Variants in PCDHA10 observed in about 807,000 individuals in gnomAD.
The protein encoded by PCDHA10 is protocadherin alpha-10.
In PCDHA10, 45 loss-of-function variants were observed where a neutral mutation model predicts 61.2. The ratio of observed to expected loss-of-function variants is 0.74; its 90% confidence interval spans 0.58 to 0.94. PCDHA10 has a LOEUF of 0.94. PCDHA10 is among the 40% of genes least tolerant of loss of function. The pLI is 0.00. For missense variants in PCDHA10, 1,278 were observed against 1,236.2 expected, an observed-to-expected ratio of 1.03 and a Z score of -0.51; for synonymous variants, 602 against 548.8, an observed-to-expected ratio of 1.10 and a Z score of -1.35.
At chr5:140,862,498 TG>T in intron 1 of PCDHA10, 1 of 395,232 alleles carries the variant, frequency 2.5e-6, no homozygotes, top group Non-Finnish European at 5.1e-6. Flanking sequence ...TCGCTCGGAA[TG>T]GGGACTCGCT....
In PCDHA10 at chr5:140,887,347, C is replaced by T. The variant is rs568939189; in HGVS notation, c.2388+28911C>T. Among the ~76,000 whole-genome samples the T allele has an allele frequency of 4.6e-5, 7 of 152,202 alleles. No homozygotes were observed. In the South Asian group the frequency reaches 6.2e-4, roughly 14 times the overall value. On this transcript the variant is annotated intron_variant, in intron 1 of 3. Coordinates refer to ENST00000307360, the MANE Select transcript of PCDHA10 (RefSeq NM_018901.4). ...TCCTGACCTCGTGATCCACCTGGCT[C>T]GGCCTCCCAAAGTGCTGGGATTACA...
rs146702581 is a variant in PCDHA10 at position 140,929,720 on chromosome 5, C to T, written c.2389-49229C>T. ...TATGAATATAATATGGAAGGTGAAA[C>T]ATTTACTTAAACTATTGCAATGCAT... On this transcript the variant is annotated intron_variant, in intron 1 of 3. Coordinates refer to ENST00000307360, the MANE Select transcript of PCDHA10 (RefSeq NM_018901.4). The T allele has an allele frequency of 2.8e-3, 635 of 224,158 alleles. 4 individuals are homozygous for T. The highest frequency in any genetic ancestry group is 6.2e-3 in the African/African-American group (270 of 43,802). 13.9% of individuals were successfully genotyped at this position (224,158 alleles called of 1,614,324 possible).
Position 140,857,355 on chromosome 5 carries a change from C to T in PCDHA10, c.1307C>T (p.Ala436Val). Residue 436 changes from alanine (A) to valine (V), a missense_variant, in exon 1 of 4, where the codon GCC (alanine) becomes GTC (valine). By Grantham distance (64) the Ala-to-Val change is moderately conservative (BLOSUM62 0). Coordinates refer to ENST00000307360, the MANE Select transcript of PCDHA10 (RefSeq NM_018901.4). Reference sequence around the variant, plus strand: ...GACGGGGGCTCGCCTCCGCTGTGGGCCACGGCCAGCGTGTCTGTGGAGGTG... The same window carrying T: ...GACGGGGGCTCGCCTCCGCTGTGGGTCACGGCCAGCGTGTCTGTGGAGGTG... ...ARDGGSPPLW[A>V]TASVSVEVAD... 1 of 1,598,292 alleles carries T rather than the reference C, an allele frequency of 6.3e-7. No homozygotes were observed.
intron 1 of PCDHA10, chr5:140,871,249 C>A (rs782675743): frequency 8.1e-6 from 13 of 1,613,984 alleles, no homozygotes; most frequent in South Asian, 1.1e-5. Flanking sequence ...CACGCTGCTG[C>A]TGTATACGGC....
intron 1 of PCDHA10, among the ~76,000 whole-genome samples, chr5:140,912,634 G>A (rs1435924500): frequency 6.6e-6 from 1 of 152,016 alleles, no homozygotes; most frequent in African/African-American, 2.4e-5. Context: ...GAGACTTTCA[G>A]TACTATGTTG....
At chr5:140,889,302 C>T (rs1323356979) in intron 1 of PCDHA10, among the ~76,000 whole-genome samples, 1 of 151,926 alleles carries the variant, frequency 6.6e-6, no homozygotes, top group Non-Finnish European at 1.5e-5. Flanking sequence ...TTGGAGAACT[C>T]ACTGTTGAAG....
Position 140,978,960 on chromosome 5 carries a change from C to G in PCDHA10, c.2400C>G (p.Pro800=), listed in dbSNP as rs560855761. The G allele has an allele frequency of 2.6e-5, 42 of 1,614,120 alleles. No homozygotes were observed. The highest frequency in any genetic ancestry group is 2.5e-4 in the African/African-American group (19 of 75,024). The change falls in exon 2 of 4, where the codon CCC becomes CCG. Residue 800 remains proline, a synonymous_variant. Coordinates refer to ENST00000307360, the MANE Select transcript of PCDHA10 (RefSeq NM_018901.4). ...TTGTGATTTTGCAGCCACGACAGCC[C>G]AACCCTGACTGGCGTTACTCTGCCT... ...GGDHSRKPRQ[P]NPDWRYSASL...
At chr5:140,928,701 G>A (rs782369096) in intron 1 of PCDHA10, 53 of 1,614,014 alleles carry the variant, frequency 3.3e-5, no homozygotes, top group Admixed American at 2.0e-4. Context: ...TCTCCCGGGC[G>A]TCTGACTCTA....
chr5:141,006,384 T>C, intron 3 of PCDHA10, among the ~76,000 whole-genome samples: 2 of 152,126 alleles, frequency 1.3e-5, no homozygotes, highest in South Asian at 4.2e-4. Flanking sequence ...GCTAAGTTTT[T>C]TCTATTTTTT....
At chr5:140,871,352 C>CT in intron 1 of PCDHA10, 1 of 1,614,210 alleles carries the variant, frequency 6.2e-7, no homozygotes, top group South Asian at 1.1e-5. Flanking sequence ...TGGTCATACT[C>CT]GCAGCAGAGG....
chr5:140,995,245 A>G (rs2097671494), intron 3 of PCDHA10, among the ~76,000 whole-genome samples: 1 of 152,194 alleles, frequency 6.6e-6, no homozygotes, highest in African/African-American at 2.4e-5. Flanking sequence ...ATTAAGTAAA[A>G]TAAGGGTACT....
chr5:140,874,465 T>C (rs1554167224), intron 1 of PCDHA10, among the ~76,000 whole-genome samples: 1 of 152,184 alleles, frequency 6.6e-6, no homozygotes. Flanking sequence ...TAGGGGAAGA[T>C]TTAGAGAAAA....
Position 140,857,049 on chromosome 5 carries a change from C to T in PCDHA10, c.1001C>T (p.Thr334Met), listed in dbSNP as rs1390810771. Residue 334 changes from threonine (T) to methionine (M), a missense_variant, in exon 1 of 4, where the codon ACG (threonine) becomes ATG (methionine). Coordinates refer to ENST00000307360, the MANE Select transcript of PCDHA10 (RefSeq NM_018901.4). ...AACCCACCTATGGTTGGTCACTGCA[C>T]GGTCCTAGTGGAACTACTGGATGAA... ...KGNPPMVGHC[T>M]VLVELLDEND... 3.1e-6 allele frequency: 5 copies of T among 1,595,184 alleles called. No homozygotes were observed. In the African/African-American group the frequency reaches 5.4e-5, roughly 17 times the overall value.
chr5:140,906,824 G>A (rs2072970432), intron 1 of PCDHA10, among the ~76,000 whole-genome samples: 1 of 152,216 alleles, frequency 6.6e-6, no homozygotes, highest in African/African-American at 2.4e-5. Flanking sequence ...CTGTGGAGTA[G>A]TAGACTGATT....
chr5:140,865,517 T>C (rs1562593227), intron 1 of PCDHA10: 1 of 152,232 alleles, frequency 6.6e-6, no homozygotes, highest in African/African-American at 2.4e-5. Context: ...TTTATGGTGC[T>C]GGAATTCTCT....
At chr5:140,863,422 G>A (rs782158453) in intron 1 of PCDHA10, 1 of 689,156 alleles carries the variant, frequency 1.5e-6, no homozygotes, top group South Asian at 1.3e-5. Flanking sequence ...GTACCGCAGC[G>A]TAGTGGGATC....
At chr5:140,948,564 T>C (rs1329949756) in intron 1 of PCDHA10, among the ~76,000 whole-genome samples, 1 of 151,688 alleles carries the variant, frequency 6.6e-6, no homozygotes, top group Non-Finnish European at 1.5e-5. Flanking sequence ...TTAAGTTGTA[T>C]TTTTTAAAGG....
intron 1 of PCDHA10, among the ~76,000 whole-genome samples, chr5:140,936,121 G>C (rs1381895785): frequency 6.6e-6 from 1 of 152,068 alleles, no homozygotes; most frequent in Non-Finnish European, 1.5e-5. Flanking sequence ...TCGAACTCCT[G>C]ACCTTAAGTG....
At chr5:140,868,071 TTTTA>T (rs2050265335) in intron 1 of PCDHA10, 1 of 152,116 alleles carries the variant, frequency 6.6e-6, no homozygotes. Flanking sequence ...TTCAGGGTGA[TTTTA>T]TTTATTTTAT....
Sources: allele counts gnomAD v4.1 joint callset (sites outside exome capture counted in the v4.1 genomes callset), GRCh38; gene constraint gnomAD v4.1.1; transcripts MANE v1.5; gene names NCBI Gene and HGNC (gene_info 2026-07-23, HGNC 2026-07-21).